The following AJAP1 variants were observed in gnomAD, a reference collection of about 807,000 sequenced individuals.
AJAP1 encodes the protein adherens junctions associated protein 1.
Under a neutral mutation model 35.0 loss-of-function variants are expected in AJAP1, and 5 were observed. The ratio of observed to expected loss-of-function variants is 0.14; its 90% CI spans 0.07 to 0.30. The LOEUF is 0.30. Ranked by LOEUF, AJAP1 falls within the 10% of genes least tolerant of loss-of-function variation. AJAP1 has a pLI of 1.00. For missense variants in AJAP1, 586 were observed against 571.0 expected, an observed-to-expected ratio of 1.03 and a Z score of -0.27; for synonymous variants, 284 against 249.3, an observed-to-expected ratio of 1.14 and a Z score of -1.31.
chr1:4,755,746 G>C (rs927635416), intron 2 of AJAP1, among the ~76,000 whole-genome samples: 4 of 152,128 alleles, frequency 2.6e-5, no homozygotes, highest in Non-Finnish European at 5.9e-5. Context: ...CGCAATGGGG[G>C]AGAGAGATTG....
At position 4,725,183 on chromosome 1, in the gene AJAP1, G is replaced by A. The variant is rs368748676; in HGVS notation, c.829+12484G>A. On this transcript the variant is annotated intron_variant, in intron 2 of 5. Transcript: ENST00000378191. ...GCCTGCAGCAGGAACCTCTGACCCCGGCAGAGGAGTAGTAAAGGGACCTCC... is the reference window on the plus strand; with the variant it reads ...GCCTGCAGCAGGAACCTCTGACCCCAGCAGAGGAGTAGTAAAGGGACCTCC... Among the ~76,000 whole-genome samples, 22 of 152,296 alleles carry A rather than the reference G, an allele frequency of 1.4e-4. No individual in the cohort carries two copies. The South Asian group carries it at 1.9e-3, about 13-fold the overall frequency.
intron 2 of AJAP1, among the ~76,000 whole-genome samples, chr1:4,755,288 G>A (rs930331163): frequency 6.6e-6 from 1 of 152,230 alleles, no homozygotes; most frequent in African/African-American, 2.4e-5. Context: ...CAGAACCCCT[G>A]TGGGAAGTGG....
rs115712095 is a variant in AJAP1 at position 4,720,382 on chromosome 1, G to C, written c.829+7683G>C. Among the ~76,000 whole-genome samples the C allele has an allele frequency of 6.6e-6, 1 of 152,216 alleles. No individual in the cohort carries two copies. On this transcript the variant is annotated intron_variant, in intron 2 of 5. Coordinates refer to ENST00000378191, the MANE Select transcript of AJAP1 (RefSeq NM_018836.4). The surrounding 1 kb of genome is among the most constrained non-coding windows in gnomAD (Gnocchi z 4.4). ...TTTCTTTCAGCACTGGGGAAGCCAA[G>C]TTTGTTGGAGGAACAGAGAGGCTGA...
intron 1 of AJAP1, among the ~76,000 whole-genome samples, chr1:4,687,967 C>T (rs1231603505): frequency 6.6e-6 from 1 of 152,212 alleles, no homozygotes; most frequent in East Asian, 1.9e-4. Flanking sequence ...TTCTAAGTGG[C>T]CACTGGTGAA....
chr1:4,663,450 G>A (rs1425826559), intron 1 of AJAP1, among the ~76,000 whole-genome samples: 2 of 152,130 alleles, frequency 1.3e-5, no homozygotes, highest in Admixed American at 6.5e-5. Context: ...GGGATTGTTC[G>A]GCACCAACCA....
chr1:4,785,208 T>G lies in AJAP1; in HGVS notation c.*2723T>G, dbSNP rs79985460. 0.057 allele frequency: 8,669 copies of G among 152,256 alleles called. 324 individuals carry two copies. The highest frequency in any genetic ancestry group is 0.2 in the Middle Eastern group (58 of 294). The allele number at this position is 152,256 out of a possible 1,614,324, so 9.4% of individuals were successfully genotyped here. A position where few individuals can be genotyped will look rare whatever the true frequency, so the allele number is the denominator to read the frequency against. On this transcript the variant is annotated 3_prime_UTR_variant, in exon 6 of 6. Transcript: ENST00000378191. ...CATCGAGCCTTGGAAGGAAGCGTAA[T>G]GCAACAACCCTCTTGTCCCCGATAA...
intron 2 of AJAP1, among the ~76,000 whole-genome samples, chr1:4,762,595 C>T (rs111291088): frequency 2.0e-5 from 3 of 152,216 alleles, no homozygotes; most frequent in Non-Finnish European, 4.4e-5. Flanking sequence ...AGATGACATC[C>T]GGAAGTGCCT....
chr1:4,663,299 G>A (rs2100505989), intron 1 of AJAP1, among the ~76,000 whole-genome samples: 1 of 152,064 alleles, frequency 6.6e-6, no homozygotes, highest in East Asian at 1.9e-4. Context: ...TTTGATGGAT[G>A]AGGCAGGGCC....
At chr1:4,683,686 C>G (rs1639538831) in intron 1 of AJAP1, among the ~76,000 whole-genome samples, 1 of 152,228 alleles carries the variant, frequency 6.6e-6, no homozygotes, top group Admixed American at 6.5e-5. Flanking sequence ...CTCCATGGGA[C>G]TCACCTGGCT....
At position 4,782,645 on chromosome 1, in the gene AJAP1, C is replaced by T; in HGVS notation, c.*160C>T. The T allele has an allele frequency of 2.5e-6, 1 of 398,130 alleles. No individual in the cohort carries two copies. The highest frequency in any genetic ancestry group is 4.4e-6 in the Non-Finnish European group (1 of 226,014). 24.7% of individuals were successfully genotyped at this position (398,130 alleles called of 1,614,324 possible). A position where few individuals can be genotyped will look rare whatever the true frequency, so the allele number is the denominator to read the frequency against. ...TAAGGGGGAGGGTCCCCGCACCTAC[C>T]ACTTCTGTTTGCCGGTGGGAAACTC... is the stretch of plus-strand genomic sequence containing the variant. On this transcript the variant is annotated 3_prime_UTR_variant, in exon 6 of 6. Transcript: ENST00000378191. This position sits in a 1 kb window ranked among gnomAD's most constrained non-coding sequence, Gnocchi z 5.3.
chr1:4,693,733 G>A lies in AJAP1; in HGVS notation c.30-18167G>A, dbSNP rs1402618379. On this transcript the variant is annotated intron_variant, in intron 1 of 5. Coordinates refer to ENST00000378191, the MANE Select transcript of AJAP1 (RefSeq NM_018836.4). The surrounding 1 kb of genome is among the most constrained non-coding windows in gnomAD (Gnocchi z 4.4). ...CCCAAGGTCAAGGGGCCCACGTCTC[G>A]CTGGGGCTTCTTGCTGTGTAATCCC... Among the ~76,000 whole-genome samples, 2 of 152,190 alleles carry A rather than the reference G, an allele frequency of 1.3e-5. No individual in the cohort carries two copies. Among genetic ancestry groups the A allele is most frequent in the African/African-American group, 4.8e-5 (2 of 41,448 alleles).
intron 1 of AJAP1, among the ~76,000 whole-genome samples, chr1:4,705,622 G>A (rs148955407): frequency 6.6e-6 from 1 of 151,620 alleles, no homozygotes; most frequent in Admixed American, 6.6e-5. Flanking sequence ...GTATGAGGCA[G>A]ATACTTCCTC....
rs1045926180 is a variant in AJAP1 at position 4,691,657 on chromosome 1, C to T, written c.30-20243C>T. Among the ~76,000 whole-genome samples the T allele has an allele frequency of 2.1e-4, 32 of 152,200 alleles. 1 individual carries two copies. Among genetic ancestry groups the T allele is most frequent in the Admixed American group, 1.9e-3 (29 of 15,304 alleles). The stretch of plus-strand genomic sequence containing the variant: ...GGTGCTTGCCATCGGATGGCAAAAG[C>T]GACCCACCCGCTGACTCCAGGAGTC... On this transcript the variant is annotated intron_variant, in intron 1 of 5. Coordinates refer to ENST00000378191, the MANE Select transcript of AJAP1 (RefSeq NM_018836.4).
At chr1:4,744,423 G>A (rs61766966) in intron 2 of AJAP1, among the ~76,000 whole-genome samples, 4,702 of 152,322 alleles carry the variant, frequency 0.031, 102 homozygotes, top group Middle Eastern at 0.054. Context: ...TAGAGAGCAT[G>A]TTGCTGAGTG....
At chr1:4,688,606 C>G (rs1196240096) in intron 1 of AJAP1, among the ~76,000 whole-genome samples, 1 of 151,934 alleles carries the variant, frequency 6.6e-6, no homozygotes, top group Non-Finnish European at 1.5e-5. Flanking sequence ...AACCCCATCT[C>G]TACTAAAATA....
chr1:4,672,084 T>C (rs1409356067), intron 1 of AJAP1, among the ~76,000 whole-genome samples: 7 of 152,140 alleles, frequency 4.6e-5, no homozygotes, highest in Admixed American at 3.9e-4. Flanking sequence ...AACACACACA[T>C]GTAAAGTAAG....
In AJAP1 at chr1:4,712,302, G is replaced by A; in HGVS notation, c.432G>A (p.Gly144=). The A allele has an allele frequency of 1.3e-6, 2 of 1,491,494 alleles. No individual in the cohort carries two copies. Among genetic ancestry groups the A allele is most frequent in the African/African-American group, 1.4e-5 (1 of 71,084 alleles). The allele number at this position is 1,491,494 out of a possible 1,614,324, so 92.4% of individuals were successfully genotyped here. Residue 144 remains glycine, a synonymous_variant, in exon 2 of 6, where the codon GGG becomes GGA. Transcript: ENST00000378191. ...CCTCGTCCTCCGCGGTGGCCGGTGG[G>A]GCCCCGGAGCAGCAGGCCCTCCTGA... ...SSSSSSAVAG[G]APEQQALLRR...
intron 2 of AJAP1, among the ~76,000 whole-genome samples, chr1:4,768,738 C>T (rs1044919229): frequency 6.6e-6 from 1 of 152,168 alleles, no homozygotes; most frequent in Non-Finnish European, 1.5e-5. Context: ...GCGGGCTTGG[C>T]GGACTCCCTC....
intron 2 of AJAP1, among the ~76,000 whole-genome samples, chr1:4,735,447 A>G (rs1026625848): frequency 2.6e-5 from 4 of 152,112 alleles, no homozygotes; most frequent in African/African-American, 9.7e-5. Flanking sequence ...CGCCCATCCA[A>G]TTTTGCAGGA....
Sources: allele counts gnomAD v4.1 joint callset (sites outside exome capture counted in the v4.1 genomes callset), GRCh38; gene constraint gnomAD v4.1.1; non-coding constraint Gnocchi (gnomAD v3.1); transcripts MANE v1.5; gene names NCBI Gene and HGNC (gene_info 2026-07-23, HGNC 2026-07-21).